The following SLC25A12 variants were observed in gnomAD, a reference collection of about 807,000 sequenced individuals.
The protein encoded by SLC25A12 is solute carrier family 25 member 12.
Under a neutral mutation model 83.3 loss-of-function variants are expected in SLC25A12, and 32 were observed. The ratio of observed to expected loss-of-function variants is 0.38; its 90% confidence interval spans 0.29 to 0.52. SLC25A12 has a LOEUF of 0.52. Ranked by LOEUF, SLC25A12 falls within the 20% of genes least tolerant of loss-of-function variation. The pLI is 0.84. For missense variants in SLC25A12, 611 were observed against 835.6 expected (o/e 0.73, Z 3.31); for synonymous variants, 267 against 291.1 (o/e 0.92, Z 0.84).
At chr2:171,873,738 T>TAA (rs1438552400) in intron 2 of SLC25A12, among the ~76,000 whole-genome samples, 1 of 151,976 alleles carries the variant, frequency 6.6e-6, no homozygotes, top group Non-Finnish European at 1.5e-5. Context: ...ATTATATATA[T>TAA]AATGTTAATA....
chr2:171,834,324 TC>T, intron 7 of SLC25A12: 1 of 452,742 alleles, frequency 2.2e-6, no homozygotes, highest in Non-Finnish European at 4.0e-6. Flanking sequence ...TCTCCTCTTA[TC>T]TTGCTTATTC....
chr2:171,819,583 TTAAA>T (rs1436352679), intron 9 of SLC25A12, among the ~76,000 whole-genome samples: 1 of 149,236 alleles, frequency 6.7e-6, no homozygotes, highest in Non-Finnish European at 1.5e-5. Context: ...ATCTAATAAT[TTAAA>T]TGAGTTAAAT....
intron 13 of SLC25A12, among the ~76,000 whole-genome samples, chr2:171,808,849 C>CTCT (rs1184559300): frequency 1.0e-4 from 15 of 143,180 alleles, no homozygotes; most frequent in African/African-American, 3.9e-4. Flanking sequence ...TCTCCCCCAA[C>CTCT]CCCCAACCCC....
intron 10 of SLC25A12, 120 bp from the exon 11 acceptor site, chr2:171,813,617 G>C: frequency 8.8e-7 from 1 of 1,133,556 alleles, no homozygotes; most frequent in Admixed American, 1.9e-5. Context: ...TCTCACAAAA[G>C]AGAGTTTATT....
At chr2:171,870,016 C>T (rs1558939250) in intron 2 of SLC25A12, among the ~76,000 whole-genome samples, 1 of 152,104 alleles carries the variant, frequency 6.6e-6, no homozygotes. Context: ...TATTCTACTT[C>T]TTATGTTTAT....
At chr2:171,894,102 G>A in intron 1 of SLC25A12, 101 bp downstream of exon 1, 1 of 1,468,592 alleles carries the variant, frequency 6.8e-7, no homozygotes, top group South Asian at 1.2e-5. Flanking sequence ...AGCTATCTAA[G>A]ACCTAGACAA....
At chr2:171,821,354 A>T (rs917520406) in intron 9 of SLC25A12, among the ~76,000 whole-genome samples, 4 of 152,128 alleles carry the variant, frequency 2.6e-5, no homozygotes, top group African/African-American at 9.7e-5. Context: ...ACACATGTGT[A>T]AACATTTTTG....
intron 2 of SLC25A12, among the ~76,000 whole-genome samples, chr2:171,887,621 T>C (rs1027708338): frequency 6.6e-6 from 1 of 152,228 alleles, no homozygotes; most frequent in South Asian, 2.1e-4. Flanking sequence ...ACTGCTTCTA[T>C]TGTCTCCTTT....
chr2:171,800,184 C>G (rs1683680977), intron 13 of SLC25A12, among the ~76,000 whole-genome samples: 1 of 152,034 alleles, frequency 6.6e-6, no homozygotes, highest in Non-Finnish European at 1.5e-5. Flanking sequence ...AAGTAATAAA[C>G]AAGTCACAAA....
chr2:171,830,248 C>T (rs994761377), intron 8 of SLC25A12, among the ~76,000 whole-genome samples: 8 of 152,060 alleles, frequency 5.3e-5, no homozygotes, highest in African/African-American at 1.9e-4. Context: ...ATTTTCAAGC[C>T]CACAGAAATG....
intron 2 of SLC25A12, among the ~76,000 whole-genome samples, chr2:171,892,973 T>TA (rs1388786008): frequency 6.7e-6 from 1 of 148,976 alleles, no homozygotes; most frequent in Non-Finnish European, 1.5e-5. Flanking sequence ...ATATATATCT[T>TA]AAGTCATGTA....
At chr2:171,840,720 A>C (rs1684656614) in intron 5 of SLC25A12, among the ~76,000 whole-genome samples, 1 of 152,108 alleles carries the variant, frequency 6.6e-6, no homozygotes, top group South Asian at 2.1e-4. Context: ...AGAAACTAAG[A>C]AAATAGAATA....
intron 9 of SLC25A12, 64 bp downstream of exon 9, chr2:171,826,734 C>G: frequency 2.2e-6 from 2 of 896,996 alleles, no homozygotes; most frequent in Middle Eastern, 2.1e-4. Flanking sequence ...AAGCTGTCAG[C>G]TCCTATTTAG....
At chr2:171,788,090 G>A (rs1462670851) in intron 15 of SLC25A12, 143 bp from the exon 16 acceptor site, 4 of 770,390 alleles carry the variant, frequency 5.2e-6, no homozygotes, top group Non-Finnish European at 2.2e-6. Context: ...CCATTAATGG[G>A]AAAAGGGCAT....
intron 2 of SLC25A12, among the ~76,000 whole-genome samples, chr2:171,882,679 T>C (rs927004843): frequency 6.6e-6 from 1 of 152,238 alleles, no homozygotes; most frequent in Admixed American, 6.5e-5. Context: ...ATTTTCAAAA[T>C]GTGTGTTTCT....
intron 1 of SLC25A12, among the ~76,000 whole-genome samples, chr2:171,893,802 C>T (rs1332207357): frequency 6.6e-6 from 1 of 152,156 alleles, no homozygotes; most frequent in Non-Finnish European, 1.5e-5. Flanking sequence ...CTTATTGAGG[C>T]CCCAAATTAC....
intron 5 of SLC25A12, among the ~76,000 whole-genome samples, chr2:171,841,517 C>T (rs113924638): frequency 0.044 from 6,621 of 149,872 alleles, 182 homozygotes; most frequent in Admixed American, 0.082. Flanking sequence ...GGACTATAGT[C>T]GTGTGCCACC....
At chr2:171,837,893 C>T (rs1010533) in intron 5 of SLC25A12, among the ~76,000 whole-genome samples, 66,441 of 151,874 alleles carry the variant, frequency 0.44, 14,801 homozygotes, top group Middle Eastern at 0.5. Flanking sequence ...CTCTGGGCAC[C>T]GTTACTCATA....
chr2:171,850,262 C>T (rs1436829837), intron 4 of SLC25A12, among the ~76,000 whole-genome samples: 3 of 148,728 alleles, frequency 2.0e-5, no homozygotes, highest in Admixed American at 6.7e-5. Flanking sequence ...ATTACAGGCA[C>T]ATGCCACCAC....
Sources: allele counts gnomAD v4.1 joint callset (sites outside exome capture counted in the v4.1 genomes callset), GRCh38; gene constraint gnomAD v4.1.1; transcripts MANE v1.5; gene names NCBI Gene and HGNC (gene_info 2026-07-23, HGNC 2026-07-21).